Variants in ZYG11B observed in about 807,000 individuals in gnomAD.
ZYG11B encodes zyg-11 family member B, cell cycle regulator.
Under a neutral mutation model 82.4 loss-of-function variants are expected in ZYG11B, and 36 were observed. The ratio of observed to expected loss-of-function variants is 0.44; its 90% CI spans 0.33 to 0.58. The LOEUF is 0.58. ZYG11B is among the 20% of genes least tolerant of loss of function. The probability of loss-of-function intolerance (pLI) is 0.02; values close to 1 mark genes in which losing one functional copy is unlikely to be tolerated. For missense variants in ZYG11B, 552 were observed against 895.6 expected (o/e 0.62, Z 4.90); for synonymous variants, 303 against 312.8 (o/e 0.97, Z 0.33).
chr1:52,730,995 G>A (rs1306938088), intron 1 of ZYG11B, among the ~76,000 whole-genome samples: 1 of 152,090 alleles, frequency 6.6e-6, no homozygotes, highest in African/African-American at 2.4e-5. Flanking sequence ...CAGATAGGCT[G>A]GGTGCAGTGG....
chr1:52,813,500 T>C, intron 10 of ZYG11B, 36 bp from the exon 11 acceptor site: 3 of 1,494,628 alleles, frequency 2.0e-6, no homozygotes, highest in African/African-American at 1.4e-5. Flanking sequence ...ACTATACATA[T>C]TACATTAATT....
At chr1:52,761,758 C>T (rs536934094) in intron 2 of ZYG11B, among the ~76,000 whole-genome samples, 35 of 152,244 alleles carry the variant, frequency 2.3e-4, no homozygotes, top group African/African-American at 7.9e-4. Context: ...GGAACCTTCA[C>T]GCTGCTTTCC....
chr1:52,739,690 T>C (rs1421890320), intron 1 of ZYG11B, among the ~76,000 whole-genome samples: 1 of 152,108 alleles, frequency 6.6e-6, no homozygotes, highest in Non-Finnish European at 1.5e-5. Flanking sequence ...AGCATGATCT[T>C]GGCTCACTAC....
chr1:52,787,200 A>T (rs1644920330), intron 5 of ZYG11B, among the ~76,000 whole-genome samples: 1 of 152,242 alleles, frequency 6.6e-6, no homozygotes, highest in Non-Finnish European at 1.5e-5. Flanking sequence ...ACACATCGGA[A>T]TACTTAGAAG....
At chr1:52,735,321 G>T (rs1644370485) in intron 1 of ZYG11B, among the ~76,000 whole-genome samples, 1 of 152,176 alleles carries the variant, frequency 6.6e-6, no homozygotes, top group African/African-American at 2.4e-5. Flanking sequence ...GAGCCACCGT[G>T]CCCGGCCCAA....
intron 6 of ZYG11B, among the ~76,000 whole-genome samples, chr1:52,792,812 C>T (rs1326995860): frequency 6.6e-6 from 1 of 152,118 alleles, no homozygotes; most frequent in Non-Finnish European, 1.5e-5. Context: ...ATCCTCATGA[C>T]AACCCTATGG....
intron 10 of ZYG11B, among the ~76,000 whole-genome samples, chr1:52,810,127 G>T (rs1645170857): frequency 6.6e-6 from 1 of 152,122 alleles, no homozygotes; most frequent in South Asian, 2.1e-4. Context: ...TTATTAGGAG[G>T]TTCCAGAGCA....
chr1:52,799,875 C>T (rs1319159000), intron 8 of ZYG11B, among the ~76,000 whole-genome samples: 1 of 152,058 alleles, frequency 6.6e-6, no homozygotes, highest in Non-Finnish European at 1.5e-5. Flanking sequence ...GGTAGGAATT[C>T]TGGAGTTGAC....
chr1:52,793,543 T>TC (rs1396306952), intron 6 of ZYG11B, among the ~76,000 whole-genome samples: 3 of 152,148 alleles, frequency 2.0e-5, no homozygotes, highest in Non-Finnish European at 2.9e-5. Flanking sequence ...CCAAGCTGAC[T>TC]CCAAAGTGTA....
intron 10 of ZYG11B, among the ~76,000 whole-genome samples, chr1:52,810,005 C>G (rs1645170158): frequency 6.6e-6 from 1 of 152,116 alleles, no homozygotes; most frequent in Non-Finnish European, 1.5e-5. Flanking sequence ...TTTTTACCTT[C>G]TTGGTTGCTG....
In ZYG11B at chr1:52,767,176, T is replaced by A. The variant is rs946267489; in HGVS notation, c.197-3844T>A. Among the ~76,000 whole-genome samples the A allele has an allele frequency of 1.0e-4, 7 of 67,172 alleles. 1 individual carries two copies. The South Asian group carries it at 2.3e-3, about 22-fold the overall frequency. The allele number at this position is 67,172 out of a possible 152,430, so 44.1% of individuals were successfully genotyped here. ...TTATTTTATTTTATGTTATGTTATT[T>A]TGTTACGTTATGTTATTTTATTTTA... On this transcript the variant is annotated intron_variant, in intron 2 of 13. Transcript: ENST00000294353.
At chr1:52,793,108 G>A (rs955211696) in intron 6 of ZYG11B, among the ~76,000 whole-genome samples, 1 of 151,464 alleles carries the variant, frequency 6.6e-6, no homozygotes, top group Admixed American at 6.6e-5. Context: ...CCAAAGTGCT[G>A]GGATTACAGG....
At chr1:52,747,770 G>A (rs1211304906) in intron 1 of ZYG11B, among the ~76,000 whole-genome samples, 1 of 152,094 alleles carries the variant, frequency 6.6e-6, no homozygotes, top group Non-Finnish European at 1.5e-5. Flanking sequence ...AGATATAAAG[G>A]GCAGTGTATG....
intron 12 of ZYG11B, among the ~76,000 whole-genome samples, chr1:52,815,958 C>A (rs541133646): frequency 6.6e-6 from 1 of 150,426 alleles, no homozygotes; most frequent in Non-Finnish European, 1.5e-5. Flanking sequence ...AAATAAATAA[C>A]AAAAATTAAG....
intron 12 of ZYG11B, among the ~76,000 whole-genome samples, chr1:52,815,488 C>T (rs1645215760): frequency 1.3e-5 from 2 of 151,836 alleles, no homozygotes; most frequent in African/African-American, 2.4e-5. Flanking sequence ...GTTGTGGTGG[C>T]ACATCCCTGT....
rs770970308 is a variant in ZYG11B, at chr1:52,816,604, C to A, written c.2019C>A (p.Ala673=). Residue 673 remains alanine (A), a synonymous_variant, in exon 13 of 14, where the codon GCC becomes GCA. Coordinates refer to ENST00000294353, the MANE Select transcript of ZYG11B (RefSeq NM_024646.3). ...TPGVQLWAVW[A]MQHVCSKNPS... ...GAGTTCAGCTATGGGCAGTTTGGGC[C>A]ATGCAACATGTCTGCAGCAAGAATC... is the stretch of plus-strand genomic sequence containing the variant. 3 of 1,611,110 alleles carry A rather than the reference C, an allele frequency of 1.9e-6. No homozygotes were observed. In the African/African-American group the frequency reaches 4.0e-5, roughly 22 times the overall value.
chr1:52,790,593 C>T (rs1436618453), intron 6 of ZYG11B, among the ~76,000 whole-genome samples: 8 of 151,918 alleles, frequency 5.3e-5, no homozygotes, highest in African/African-American at 9.6e-5. Flanking sequence ...TGGTGGCGCA[C>T]GCCTGGAATC....
In ZYG11B at chr1:52,752,383, T is replaced by G. The variant is rs139285292; in HGVS notation, c.31-4075T>G. Among the ~76,000 whole-genome samples the G allele has an allele frequency of 2.3e-4, 35 of 152,312 alleles. No homozygotes were observed. In the East Asian group the frequency reaches 6.2e-3, roughly 27 times the overall value. ...GCACACCCTACCCCACCCCTAGCAC[T>G]TCAATGTGTGCAGCAGCCTGGATAC... On this transcript the variant is annotated intron_variant, in intron 1 of 13. Transcript: ENST00000294353.
At chr1:52,795,857 A>G (rs555594875) in intron 6 of ZYG11B, among the ~76,000 whole-genome samples, 1 of 152,268 alleles carries the variant, frequency 6.6e-6, no homozygotes, top group African/African-American at 2.4e-5. Flanking sequence ...TTTGTTCACT[A>G]TTCTATCTCC....
Sources: gnomAD v4.1 joint callset for allele counts (sites outside exome capture counted in the v4.1 genomes callset) on GRCh38, gnomAD v4.1.1 for gene constraint, MANE v1.5 for transcripts, NCBI Gene and HGNC (gene_info 2026-07-23, HGNC 2026-07-21) for gene names.